The following EYS variants were observed in gnomAD, a reference collection of about 807,000 sequenced individuals.
The protein encoded by EYS is EGF-like photoreceptor maintenance factor.
EYS carries 250 observed loss-of-function variants against 282.1 expected under a neutral mutation model. That is an observed-to-expected ratio of 0.89 (90% CI 0.80 to 0.98). The LOEUF (loss-of-function observed/expected upper bound fraction) is 0.98. EYS is among the 50% of genes least tolerant of loss of function. The probability of loss-of-function intolerance (pLI) is 0.00; values close to 1 mark genes in which losing one functional copy is unlikely to be tolerated. For synonymous variants in EYS, 1,355 were observed against 1,282.9 expected, an observed-to-expected ratio of 1.06 and a Z score of -1.20; for missense variants, 4,016 against 3,709.0, an observed-to-expected ratio of 1.08 and a Z score of -2.15.
At chr6:64,164,155 C>T (rs1301408613) in intron 31 of EYS, among the ~76,000 whole-genome samples, 3 of 151,986 alleles carry the variant, frequency 2.0e-5, no homozygotes, top group Non-Finnish European at 2.9e-5. Flanking sequence ...TTCTCATCAG[C>T]CTGGAAAATA....
intron 5 of EYS, among the ~76,000 whole-genome samples, chr6:65,409,053 G>C (rs1194848202): frequency 6.6e-6 from 1 of 152,056 alleles, no homozygotes; most frequent in African/African-American, 2.4e-5. Context: ...AATTAGTTTT[G>C]TGAGGGTTGA....
At chr6:65,050,092 G>A (rs1458399031) in intron 13 of EYS, among the ~76,000 whole-genome samples, 3 of 151,506 alleles carry the variant, frequency 2.0e-5, no homozygotes, top group Non-Finnish European at 4.4e-5. Flanking sequence ...TTAAATACAT[G>A]TTTGGCCAAG....
intron 26 of EYS, among the ~76,000 whole-genome samples, chr6:64,451,677 C>T (rs1429799987): frequency 1.3e-5 from 2 of 152,168 alleles, no homozygotes; most frequent in Admixed American, 1.3e-4. Context: ...AAGCGGGCTT[C>T]ATCCCCGGGA....
chr6:64,626,259 A>T lies in EYS; in HGVS notation c.3444-14T>A. On this transcript the variant is annotated splice_polypyrimidine_tract_variant and intron_variant, in intron 22 of 42. Transcript: ENST00000503581. ...CCAGGAAGACATCTAAGGAAAAAAA[A>T]TGAAAACGATATTTGTATATATTAT... The T allele has an allele frequency of 1.3e-6, 2 of 1,519,326 alleles. No homozygotes were observed. The highest frequency in any genetic ancestry group is 1.3e-5 in the South Asian group (1 of 76,416). The allele number at this position is 1,519,326 out of a possible 1,614,324, so 94.1% of individuals were successfully genotyped here. A position where few individuals can be genotyped will look rare whatever the true frequency, so the allele number is the denominator to read the frequency against.
At chr6:65,308,105 T>G in intron 11 of EYS, among the ~76,000 whole-genome samples, 1 of 68,684 alleles carries the variant, frequency 1.5e-5, no homozygotes, top group Admixed American at 2.1e-4. Flanking sequence ...CCCTAGCAGT[T>G]GGGACAGACT....
rs1036693301 is a variant in EYS, at chr6:64,018,999, T to A, written c.6726-19816A>T. On this transcript the variant is annotated intron_variant, in intron 33 of 42. Transcript: ENST00000503581. ...CATGTTGGCCAGACTGGTCTTGAAC[T>A]CCTGACCTCAAGTGATCCACCCACC... is the stretch of plus-strand genomic sequence containing the variant. 2.5e-4 allele frequency among the ~76,000 whole-genome samples: 38 copies of A among 152,126 alleles called. 3 individuals carry two copies. Among genetic ancestry groups the A allele is most frequent in the Non-Finnish European group, 1.5e-5 (1 of 68,012 alleles).
rs552838176 is a variant in EYS at position 64,449,169 on chromosome 6, A to T, written c.5645-9817T>A. ...TGCAGAGAAGTCTTTAAAGGACTTC[A>T]TGGAGCTGAAAACCATGGCACGAGA... is the stretch of plus-strand genomic sequence containing the variant. On this transcript the variant is annotated intron_variant, in intron 26 of 42. Transcript: ENST00000503581. Among the ~76,000 whole-genome samples the T allele has an allele frequency of 7.3e-4, 111 of 152,356 alleles. 1 individual carries two copies. The highest frequency in any genetic ancestry group is 2.6e-3 in the African/African-American group (107 of 41,588).
chr6:64,933,006 T>C lies in EYS; in HGVS notation c.2381+12787A>G, dbSNP rs531440743. 3.9e-5 allele frequency among the ~76,000 whole-genome samples: 6 copies of C among 152,046 alleles called. No homozygotes were observed. In the South Asian group the frequency reaches 1.2e-3, roughly 32 times the overall value. ...AGTTACCAGAAAATATTATAAGACA[T>C]ACAAAGAAATAAAAGTATGGGCCAT... On this transcript the variant is annotated intron_variant, in intron 15 of 42. Transcript: ENST00000503581.
At chr6:63,827,882 C>G (rs1286099390) in intron 36 of EYS, among the ~76,000 whole-genome samples, 4 of 146,396 alleles carry the variant, frequency 2.7e-5, no homozygotes. Flanking sequence ...GAAATTACAT[C>G]AAGCACTCTC....
chr6:64,284,219 T>C (rs1457627573), intron 30 of EYS, among the ~76,000 whole-genome samples: 1 of 152,100 alleles, frequency 6.6e-6, no homozygotes, highest in East Asian at 1.9e-4. Flanking sequence ...TCAATGGGGG[T>C]ACAGGTACTG....
intron 22 of EYS, among the ~76,000 whole-genome samples, chr6:64,661,131 T>C (rs1300885906): frequency 1.3e-5 from 2 of 152,076 alleles, no homozygotes; most frequent in African/African-American, 4.8e-5. Context: ...AAACAAGAAA[T>C]GGGGAAACGA....
chr6:65,271,128 T>TTTTATATATATATATATATATA (rs1189830101), intron 12 of EYS, among the ~76,000 whole-genome samples: 1 of 55,782 alleles, frequency 1.8e-5, no homozygotes. Context: ...AATCAATAGA[T>TTTTATATATATATATATATATA]TATATATATA....
Position 63,762,700 on chromosome 6 carries a change from C to A in EYS, c.7899-67G>T. ...AGAGATGGATACATACTATGTATTG[C>A]CCTGATGCTAACTTGTCAATTTTAA... On this transcript the variant is annotated intron_variant, in intron 40 of 42. Transcript: ENST00000503581. 3 of 1,360,226 alleles carry A rather than the reference C, an allele frequency of 2.2e-6. No homozygotes were observed. The African/African-American group carries it at 4.5e-5, about 20-fold the overall frequency. The allele number at this position is 1,360,226 out of a possible 1,614,324, so 84.3% of individuals were successfully genotyped here.
chr6:64,468,626 T>C (rs552566664), intron 26 of EYS, among the ~76,000 whole-genome samples: 5 of 152,270 alleles, frequency 3.3e-5, no homozygotes, highest in African/African-American at 1.2e-4. Context: ...TACTACCCAA[T>C]ATGTATTTTT....
At chr6:64,335,475 C>A (rs760917388) in intron 29 of EYS, among the ~76,000 whole-genome samples, 2 of 152,028 alleles carry the variant, frequency 1.3e-5, no homozygotes, top group Non-Finnish European at 2.9e-5. Flanking sequence ...TGTTGTAATG[C>A]TGCCTTTGTT....
chr6:65,251,464 A>AG (rs1767321952), intron 12 of EYS, among the ~76,000 whole-genome samples: 1 of 151,524 alleles, frequency 6.6e-6, no homozygotes, highest in African/African-American at 2.4e-5. Context: ...AACAAAAAAA[A>AG]ACAACAAAAA....
intron 30 of EYS, among the ~76,000 whole-genome samples, chr6:64,259,187 G>A (rs537383403): frequency 4.1e-4 from 63 of 152,040 alleles, no homozygotes; most frequent in African/African-American, 1.5e-3. Context: ...CTGGGATGGC[G>A]ATTTTACTAT....
At chr6:64,565,080 T>G (rs1765522230) in intron 26 of EYS, among the ~76,000 whole-genome samples, 1 of 152,188 alleles carries the variant, frequency 6.6e-6, no homozygotes, top group Non-Finnish European at 1.5e-5. Flanking sequence ...GATGTGTGGT[T>G]TGCAGTTATT....
At chr6:64,347,688 A>T (rs593628) in intron 29 of EYS, among the ~76,000 whole-genome samples, 1 of 151,104 alleles carries the variant, frequency 6.6e-6, no homozygotes, top group South Asian at 2.1e-4. Context: ...AGCAGTTCTC[A>T]AGCTCCAGCA....
Sources: allele counts gnomAD v4.1 joint callset (sites outside exome capture counted in the v4.1 genomes callset), GRCh38; gene constraint gnomAD v4.1.1; transcripts MANE v1.5; gene names NCBI Gene and HGNC (gene_info 2026-07-23, HGNC 2026-07-21).